Variants in TBC1D19 observed in about 807,000 individuals in gnomAD.
TBC1D19 encodes TBC1 domain family, member 19.
TBC1D19 carries 60 observed loss-of-function variants against 89.0 expected under a neutral mutation model. The observed-to-expected ratio is 0.67, with a 90% CI of 0.55 to 0.84. The LOEUF (loss-of-function observed/expected upper bound fraction) is 0.84, where lower values mean the gene tolerates loss of function less well. TBC1D19 is among the 40% of genes least tolerant of loss of function. TBC1D19 has a pLI of 0.00. For missense variants in TBC1D19, 500 were observed against 610.8 expected, an observed-to-expected ratio of 0.82 and a Z score of 1.91; for synonymous variants, 189 against 199.7, an observed-to-expected ratio of 0.95 and a Z score of 0.45.
intron 10 of TBC1D19, 150 bp downstream of exon 10, chr4:26,672,337 G>A (rs932983691): frequency 4.8e-6 from 3 of 621,336 alleles, no homozygotes; most frequent in Non-Finnish European, 7.2e-6. Context: ...ATTACATAAT[G>A]AGAATCTTTA....
At chr4:26,849,216 AC>A in the TBC1D19 span, among the ~76,000 whole-genome samples, 1 of 151,926 alleles carries the variant, frequency 6.6e-6, no homozygotes, top group African/African-American at 2.4e-5. Context: ...ACACACACAC[AC>A]ACACACACAC....
chr4:26,807,331 G>A, the TBC1D19 span, among the ~76,000 whole-genome samples: 4 of 152,148 alleles, frequency 2.6e-5, no homozygotes, highest in Non-Finnish European at 4.4e-5. Context: ...AAGGAGGGAA[G>A]AAGGCCTTTC....
intron 16 of TBC1D19, among the ~76,000 whole-genome samples, chr4:26,737,029 G>C (rs1718093679): frequency 6.6e-6 from 1 of 152,082 alleles, no homozygotes; most frequent in Non-Finnish European, 1.5e-5. Context: ...AGAATGAACA[G>C]AAATACATTA....
chr4:26,668,325 C>G (rs1711993302), intron 9 of TBC1D19, among the ~76,000 whole-genome samples: 1 of 151,856 alleles, frequency 6.6e-6, no homozygotes, highest in Admixed American at 6.6e-5. Flanking sequence ...CTCATAGTAT[C>G]TATGCTTTAG....
chr4:26,696,068 T>A (rs536116015), intron 13 of TBC1D19, among the ~76,000 whole-genome samples: 1 of 152,292 alleles, frequency 6.6e-6, no homozygotes, highest in South Asian at 2.1e-4. Context: ...ACTAGCACAT[T>A]GGGTAAAGAG....
chr4:26,798,324 A>T, the TBC1D19 span, among the ~76,000 whole-genome samples: 1 of 152,208 alleles, frequency 6.6e-6, no homozygotes, highest in East Asian at 1.9e-4. Flanking sequence ...TAATTATCAG[A>T]GAAATGCAAA....
chr4:26,821,699 G>T, the TBC1D19 span, among the ~76,000 whole-genome samples: 8 of 152,204 alleles, frequency 5.3e-5, no homozygotes, highest in African/African-American at 1.9e-4. Flanking sequence ...TCAATGGTGG[G>T]GCTGTCCTGT....
chr4:26,733,019 T>G (rs1003021220), intron 15 of TBC1D19, among the ~76,000 whole-genome samples: 19 of 152,004 alleles, frequency 1.2e-4, no homozygotes, highest in Admixed American at 1.0e-3. Context: ...TAGAGAGGAA[T>G]AAGAAAATTG....
intron 11 of TBC1D19, among the ~76,000 whole-genome samples, chr4:26,678,231 G>A (rs373689300): frequency 6.6e-6 from 1 of 152,216 alleles, no homozygotes; most frequent in Non-Finnish European, 1.5e-5. Context: ...GAATAAAGGG[G>A]ATTCTTGTTA....
chr4:26,753,979 G>A (rs1228523080), intron 20 of TBC1D19, 89 bp downstream of exon 20: 9 of 1,383,676 alleles, frequency 6.5e-6, no homozygotes, highest in South Asian at 3.6e-5. Context: ...TAGGACACGC[G>A]TTACTTGTAG....
the TBC1D19 span, among the ~76,000 whole-genome samples, chr4:26,851,730 TG>T: frequency 1.3e-5 from 2 of 152,246 alleles, no homozygotes; most frequent in African/African-American, 4.8e-5. Context: ...TTTTATTTTT[TG>T]TTTGAGATGG....
chr4:26,842,745 T>A, the TBC1D19 span, among the ~76,000 whole-genome samples: 1 of 151,560 alleles, frequency 6.6e-6, no homozygotes, highest in Non-Finnish European at 1.5e-5. Flanking sequence ...TCAAGCAATT[T>A]GCCTGCCTCA....
chr4:26,803,606 A>G, the TBC1D19 span, among the ~76,000 whole-genome samples: 11 of 152,208 alleles, frequency 7.2e-5, no homozygotes, highest in East Asian at 1.9e-4. Flanking sequence ...AACAAATGAG[A>G]GTGGCTGGAG....
At chr4:26,776,513 T>A in the TBC1D19 span, among the ~76,000 whole-genome samples, 1 of 152,164 alleles carries the variant, frequency 6.6e-6, no homozygotes, top group Non-Finnish European at 1.5e-5. Flanking sequence ...TATATCCTAG[T>A]CCATTTAACC....
chr4:26,730,347 G>A (rs1433213040), intron 15 of TBC1D19, among the ~76,000 whole-genome samples: 2 of 152,032 alleles, frequency 1.3e-5, no homozygotes, highest in Admixed American at 6.5e-5. Context: ...AGTAAGATAG[G>A]GAAAGGAATA....
rs1378351689 is a variant in TBC1D19 at position 26,739,883 on chromosome 4, A to G, written c.1137A>G (p.Leu379=). ...FSMYVAPLCF[L]YHEPSKLYQI... ...TTTCAGTTGCACCACTTTGTTTTCT[A>G]TACCATGAACCTTCCAAATTGTATC... is the stretch of plus-strand genomic sequence containing the variant. The change falls in exon 17 of 21, where the codon CTA becomes CTG. Residue 379 remains leucine, a synonymous_variant. Coordinates refer to ENST00000264866, the MANE Select transcript of TBC1D19 (RefSeq NM_018317.4). 6 of 1,580,788 alleles carry G rather than the reference A, an allele frequency of 3.8e-6. No homozygotes were observed. In the Admixed American group the frequency reaches 7.3e-5, roughly 19 times the overall value.
At chr4:26,752,119 A>G (rs1309882751) in intron 19 of TBC1D19, among the ~76,000 whole-genome samples, 1 of 152,164 alleles carries the variant, frequency 6.6e-6, no homozygotes, top group African/African-American at 2.4e-5. Flanking sequence ...TATTTAACTC[A>G]CAGAATTGGT....
chr4:26,597,790 T>A (rs1037397061), intron 1 of TBC1D19, among the ~76,000 whole-genome samples: 2 of 152,154 alleles, frequency 1.3e-5, no homozygotes, highest in East Asian at 3.8e-4. Flanking sequence ...TGTTTCTTAT[T>A]TGATATACTT....
chr4:26,725,000 A>G (rs535511192), intron 15 of TBC1D19, among the ~76,000 whole-genome samples: 3 of 152,362 alleles, frequency 2.0e-5, no homozygotes, highest in Admixed American at 1.3e-4. Context: ...GAAAAAGCCC[A>G]GAGATGAGGC....
Sources: gnomAD v4.1 joint callset for allele counts (sites outside exome capture counted in the v4.1 genomes callset) on GRCh38, gnomAD v4.1.1 for gene constraint, MANE v1.5 for transcripts, NCBI Gene and HGNC (gene_info 2026-07-23, HGNC 2026-07-21) for gene names.